STKLD1: variants seen among roughly 807,000 people sequenced by gnomAD.
STKLD1 encodes serine/threonine kinase-like domain-containing protein STKLD1.
In STKLD1, 79 loss-of-function variants were observed where a neutral mutation model predicts 80.4. That is an observed-to-expected ratio of 0.98 (90% CI 0.82 to 1.19). STKLD1 has a LOEUF of 1.19. Ranked by LOEUF, STKLD1 falls within the 50% of genes most tolerant of loss-of-function variation. The probability of loss-of-function intolerance (pLI) is 0.00; values close to 1 mark genes in which losing one functional copy is unlikely to be tolerated. For missense variants in STKLD1, 841 were observed against 856.0 expected (o/e 0.98, Z 0.22); for synonymous variants, 393 against 357.6 (o/e 1.10, Z -1.12).
At position 133,405,389 on chromosome 9, in the gene STKLD1, C is replaced by A; in HGVS notation, c.2011C>A (p.Leu671Met). Residue 671 changes from leucine to methionine, a missense_variant, in exon 18 of 18, where the codon CTG (leucine) becomes ATG (methionine). Leu to Met is a conservative substitution (Grantham distance 15). Coordinates refer to ENST00000371957, the MANE Select transcript of STKLD1 (RefSeq NM_153710.5). Reference sequence around the variant, plus strand: ...CCTCCCTCCAGGTGGAAGCCCCCAGCTGGGGTGCACCACGTCTGGGGGACT... The same window carrying A: ...CCTCCCTCCAGGTGGAAGCCCCCAGATGGGGTGCACCACGTCTGGGGGACT... ...PGLPPGGSPQLGCTTSGGLE is the reference protein window; with the variant it reads ...PGLPPGGSPQMGCTTSGGLE 6.2e-7 allele frequency: 1 copy of A among 1,611,370 alleles called. No individual in the cohort carries two copies. Among genetic ancestry groups the A allele is most frequent in the Non-Finnish European group, 8.5e-7 (1 of 1,179,810 alleles).
At chr9:133,378,321 C>A (rs782144024) in intron 1 of STKLD1, among the ~76,000 whole-genome samples, 1 of 152,202 alleles carries the variant, frequency 6.6e-6, no homozygotes, top group African/African-American at 2.4e-5. Context: ...CCTCCCTCCC[C>A]CAATCCTCTG....
intron 2 of STKLD1, among the ~76,000 whole-genome samples, chr9:133,380,310 G>C (rs967244201): frequency 6.6e-6 from 1 of 152,054 alleles, no homozygotes; most frequent in Non-Finnish European, 1.5e-5. Context: ...CTCCCAAAGT[G>C]CTGGGATTAC....
rs781973246 is a variant in STKLD1 at position 133,385,922 on chromosome 9, G to GTT, written c.294+244_294+245dup. Among the ~76,000 whole-genome samples, 16 of 143,472 alleles carry GTT rather than the reference G, an allele frequency of 1.1e-4. No homozygotes were observed. Among genetic ancestry groups the GTT allele is most frequent in the South Asian group, 2.3e-4 (1 of 4,414 alleles). The allele number at this position is 143,472 out of a possible 152,430, so 94.1% of individuals were successfully genotyped here. On this transcript the variant is annotated intron_variant, in intron 4 of 17. Transcript: ENST00000371957. The surrounding 1 kb of genome is among the most constrained non-coding windows in gnomAD (Gnocchi z 4.9). ...CCCCAAAAACCTCATCGTCAGGAGA[G>GTT]TTTTTTTTTTTTTTGGACAAAGTCT...
At chr9:133,402,415 C>G in intron 13 of STKLD1, among the ~76,000 whole-genome samples, 1 of 152,210 alleles carries the variant, frequency 6.6e-6, no homozygotes, top group East Asian at 1.9e-4. Flanking sequence ...CCAGCACCCT[C>G]TTTACTGCAC....
chr9:133,386,321 GCCA>G (rs1838265021), intron 4 of STKLD1, among the ~76,000 whole-genome samples: 1 of 152,240 alleles, frequency 6.6e-6, no homozygotes, highest in African/African-American at 2.4e-5. Flanking sequence ...AGAGGGCCAG[GCCA>G]GATGGGCCTG....
rs587654035 is a variant in STKLD1, at chr9:133,404,874, C to T, written c.1818C>T (p.Asp606=). ...LIKETYQLHR[D]DPEVVENVGM... ...AGGAGACCTACCAGCTCCACAGGGA[C>T]GACCCGGAGGTGGTGGAGAACGTGG... The change falls in exon 17 of 18, where the codon GAC becomes GAT. Residue 606 remains aspartate (D), a synonymous_variant. Coordinates refer to ENST00000371957, the MANE Select transcript of STKLD1 (RefSeq NM_153710.5). 3.1e-5 allele frequency: 50 copies of T among 1,613,258 alleles called. No homozygotes were observed. The South Asian group carries it at 3.5e-4, about 11-fold the overall frequency.
rs1290926436 is a variant in STKLD1, at chr9:133,389,147, C to T, written c.397-379C>T. The T allele has an allele frequency of 1.0e-6, 1 of 985,268 alleles. No individual in the cohort carries two copies. Among genetic ancestry groups the T allele is most frequent in the Non-Finnish European group, 1.2e-6 (1 of 829,926 alleles). The allele number at this position is 985,268 out of a possible 1,614,324, so 61.0% of individuals were successfully genotyped here. On this transcript the variant is annotated intron_variant, in intron 5 of 17. Transcript: ENST00000371957. The surrounding 1 kb of genome is among the most constrained non-coding windows in gnomAD (Gnocchi z 6.4). ...CATTTGAATGACCTAGAGGATTGAG[C>T]TCATGTAGGCACTGAAGGCTTCCAC...
In STKLD1 at chr9:133,394,607, A is replaced by C. The variant is rs983457350; in HGVS notation, c.702+198A>C. Among the ~76,000 whole-genome samples, 1 of 152,168 alleles carries C rather than the reference A, an allele frequency of 6.6e-6. No homozygotes were observed. ...CAGCTTGCAGCACCTGCTGGGCTCTAGCAGGATAATGACAGCAGTGGTAAT... is the reference window on the plus strand; with the variant it reads ...CAGCTTGCAGCACCTGCTGGGCTCTCGCAGGATAATGACAGCAGTGGTAAT... On this transcript the variant is annotated intron_variant, in intron 8 of 17. Coordinates refer to ENST00000371957, the MANE Select transcript of STKLD1 (RefSeq NM_153710.5). This position sits in a 1 kb window ranked among gnomAD's most constrained non-coding sequence, Gnocchi z 4.9.
intron 7 of STKLD1, among the ~76,000 whole-genome samples, chr9:133,392,299 C>G (rs1293876238): frequency 2.6e-5 from 4 of 152,008 alleles, no homozygotes; most frequent in Non-Finnish European, 5.9e-5. Context: ...GATCTCCTGA[C>G]CTCATGATCT....
At chr9:133,396,682 G>A (rs945924198) in intron 9 of STKLD1, among the ~76,000 whole-genome samples, 2 of 151,786 alleles carry the variant, frequency 1.3e-5, no homozygotes, top group African/African-American at 4.8e-5. Flanking sequence ...GCTGGAACCC[G>A]GGAGGTGGAG....
chr9:133,393,548 GGTGA>G (rs1222154544), intron 7 of STKLD1, among the ~76,000 whole-genome samples: 1 of 150,490 alleles, frequency 6.6e-6, no homozygotes, highest in Non-Finnish European at 1.5e-5. Flanking sequence ...TGGATGGATG[GGTGA>G]GTGTGTGGGT....
chr9:133,379,848 G>T (rs1052196940), intron 2 of STKLD1, among the ~76,000 whole-genome samples: 1 of 152,256 alleles, frequency 6.6e-6, no homozygotes, highest in Non-Finnish European at 1.5e-5. Context: ...CATACAGCGG[G>T]AGGAGCCTTG....
intron 16 of STKLD1, 134 bp from the exon 17 acceptor site, chr9:133,404,655 G>T (rs1264309816): frequency 1.6e-6 from 2 of 1,275,396 alleles, no homozygotes; most frequent in East Asian, 4.8e-5. Flanking sequence ...CAAGCTGATG[G>T]GGCCTCCTGG....
intron 11 of STKLD1, among the ~76,000 whole-genome samples, chr9:133,398,591 C>T (rs1838619900): frequency 6.6e-6 from 1 of 152,102 alleles, no homozygotes; most frequent in African/African-American, 2.4e-5. Context: ...CCAGCCTGGG[C>T]AACAAAGGGA....
intron 2 of STKLD1, among the ~76,000 whole-genome samples, chr9:133,383,292 ATGTGATGGTGGTAATGGTGGTGGTG>A (rs1838186577): frequency 1.2e-3 from 3 of 2,500 alleles, no homozygotes; most frequent in African/African-American, 2.6e-3. Context: ...TGGTGTGATG[ATGTGATGGTGGTAATGGTGGTGGTG>A]TGATGATGGT....
chr9:133,382,256 C>T (rs1006552948), intron 2 of STKLD1, among the ~76,000 whole-genome samples: 4 of 152,208 alleles, frequency 2.6e-5, no homozygotes, highest in East Asian at 1.9e-4. Context: ...TGTTTAAAGA[C>T]GGTCTGAAAA....
chr9:133,378,817 C>T (rs1838066597), intron 1 of STKLD1, among the ~76,000 whole-genome samples: 1 of 152,190 alleles, frequency 6.6e-6, no homozygotes, highest in Non-Finnish European at 1.5e-5. Context: ...TGTAGAAGAG[C>T]TCCAGAATCG....
At chr9:133,378,905 T>A in intron 1 of STKLD1, 131 bp from the exon 2 acceptor site, 1 of 701,446 alleles carries the variant, frequency 1.4e-6, no homozygotes, top group Non-Finnish European at 2.4e-6. Context: ...TATTGCAAGA[T>A]GGGGTGGAGC....
In STKLD1 at chr9:133,389,453, G is replaced by A; in HGVS notation, c.397-73G>A. On this transcript the variant is annotated intron_variant, in intron 5 of 17. Coordinates refer to ENST00000371957, the MANE Select transcript of STKLD1 (RefSeq NM_153710.5). The surrounding 1 kb of genome is among the most constrained non-coding windows in gnomAD (Gnocchi z 6.4). ...AGGATACACCACCATCCTGCTGGCT[G>A]CTCTGAGTGTCACCCCCCTGAAAGC... 6.3e-7 allele frequency: 1 copy of A among 1,576,712 alleles called. No individual in the cohort carries two copies. The highest frequency in any genetic ancestry group is 1.2e-5 in the South Asian group (1 of 86,598).
Sources: gnomAD v4.1 joint callset for allele counts (sites outside exome capture counted in the v4.1 genomes callset) on GRCh38, gnomAD v4.1.1 for gene constraint, Gnocchi (gnomAD v3.1) non-coding constraint, MANE v1.5 for transcripts, NCBI Gene and HGNC (gene_info 2026-07-23, HGNC 2026-07-21) for gene names.